The following LIN7B variants were observed in gnomAD, a reference collection of about 807,000 sequenced individuals.
LIN7B encodes lin-7 cell polarity scaffold B.
LIN7B carries 16 observed loss-of-function variants against 27.9 expected under a neutral mutation model. The observed-to-expected ratio is 0.57, with a 90% confidence interval of 0.39 to 0.87. The LOEUF (loss-of-function observed/expected upper bound fraction) is 0.87, where lower values mean the gene tolerates loss of function less well. Among genes scored for constraint, LIN7B ranks in the 40% least tolerant of loss-of-function variants. LIN7B has a pLI of 0.00. For synonymous variants in LIN7B, 147 were observed against 120.8 expected (o/e 1.22, Z -1.42); for missense variants, 291 against 288.5 (o/e 1.01, Z -0.06).
intron 5 of LIN7B, 117 bp from the exon 6 acceptor site, chr19:49,118,235 G>GTGGC: frequency 7.4e-7 from 1 of 1,358,782 alleles, no homozygotes. Flanking sequence ...GGAACCTACT[G>GTGGC]TGGCTGGGAT....
At chr19:49,117,512 A>G (rs2040847855) in intron 4 of LIN7B, among the ~76,000 whole-genome samples, 1 of 152,174 alleles carries the variant, frequency 6.6e-6, no homozygotes, top group Non-Finnish European at 1.5e-5. Flanking sequence ...GTAAGAGTCC[A>G]GAGAAAAGAG....
chr19:49,116,201 C>G (rs1433472716), intron 3 of LIN7B, 62 bp from the exon 4 acceptor site: 1 of 1,464,214 alleles, frequency 6.8e-7, no homozygotes, highest in East Asian at 2.3e-5. Flanking sequence ...CCACATCCCC[C>G]ACCCCAGCTT....
chr19:49,116,555 AC>A (rs1241707967), intron 4 of LIN7B, 83 bp downstream of exon 4: 2 of 1,220,654 alleles, frequency 1.6e-6, no homozygotes, highest in Non-Finnish European at 2.4e-6. Flanking sequence ...CACTCAACAC[AC>A]ACTGAGTGTT....
At chr19:49,117,245 CAAAA>C (rs1256318523) in intron 4 of LIN7B, among the ~76,000 whole-genome samples, 4 of 36,380 alleles carry the variant, frequency 1.1e-4, no homozygotes, top group Admixed American at 5.7e-4. Context: ...GACTCCCTCT[CAAAA>C]AAAAAAAAAA....
intron 4 of LIN7B, among the ~76,000 whole-genome samples, chr19:49,117,255 AAAAAAAAAC>A (rs1477195202): frequency 1.4e-5 from 2 of 145,458 alleles, no homozygotes; most frequent in African/African-American, 5.1e-5. Context: ...CAAAAAAAAA[AAAAAAAAAC>A]AAAACTCACT....
chr19:49,114,674 A>G (rs1027914814), intron 1 of LIN7B, 175 bp from the exon 2 acceptor site: 1 of 448,048 alleles, frequency 2.2e-6, no homozygotes, highest in African/African-American at 2.0e-5. Context: ...CCGGGGCCGC[A>G]GGGCCGCTGG....
At chr19:49,116,608 TGA>T in intron 4 of LIN7B, 136 bp downstream of exon 4, 1 of 825,560 alleles carries the variant, frequency 1.2e-6, no homozygotes, top group Non-Finnish European at 1.9e-6. Context: ...TTACAGACTC[TGA>T]GAGATGTTGG....
rs1280125689 is a variant in LIN7B at position 49,116,382 on chromosome 19, C to T, written c.348C>T (p.Pro116=). The T allele has an allele frequency of 1.9e-6, 3 of 1,614,228 alleles. No individual in the cohort carries two copies. In the South Asian group the frequency reaches 3.3e-5, roughly 18 times the overall value. The change falls in exon 4 of 6, where the codon CCC becomes CCT. Residue 116 remains proline, a synonymous_variant. Coordinates refer to ENST00000221459, the MANE Select transcript of LIN7B (RefSeq NM_022165.3). ...NIMGGKEQNS[P]IYISRVIPGG... ...TGGGTGGCAAAGAGCAAAACTCGCC[C>T]ATCTACATCTCCCGGGTCATCCCAG...
rs1317296429 is a variant in LIN7B, at chr19:49,114,898, G to C, written c.87G>C (p.Glu29Asp). 6.8e-7 allele frequency: 1 copy of C among 1,470,264 alleles called. No individual in the cohort carries two copies. Among genetic ancestry groups the C allele is most frequent in the East Asian group, 2.8e-5 (1 of 35,198 alleles). 91.1% of individuals were successfully genotyped at this position (1,470,264 alleles called of 1,614,324 possible). A position where few individuals can be genotyped will look rare whatever the true frequency, so the allele number is the denominator to read the frequency against. The change falls in exon 2 of 6, where the codon GAG (glutamate) becomes GAC (aspartate). Residue 29 changes from glutamate (E) to aspartate (D), a missense_variant. Physicochemically the swap from Glu to Asp is conservative, Grantham distance 45 (BLOSUM62 2). Coordinates refer to ENST00000221459, the MANE Select transcript of LIN7B (RefSeq NM_022165.3). ...ELLERLQRSG[E>D]LPPQKLQALQ... ...TCGAGCGGCTCCAGCGCAGCGGGGA[G>C]CTGCCGCCGCAGAAGCTGCAGGCCC...
chr19:49,117,254 A>C (rs1322348038), intron 4 of LIN7B, among the ~76,000 whole-genome samples: 1 of 144,900 alleles, frequency 6.9e-6, no homozygotes, highest in Non-Finnish European at 1.5e-5. Context: ...TCAAAAAAAA[A>C]AAAAAAAAAC....
chr19:49,114,834 G>GC lies in LIN7B; in HGVS notation c.38-10dup. 1 of 1,401,322 alleles carries GC rather than the reference G, an allele frequency of 7.1e-7. No individual in the cohort carries two copies. Among genetic ancestry groups the GC allele is most frequent in the Non-Finnish European group, 9.3e-7 (1 of 1,071,884 alleles). 86.8% of individuals were successfully genotyped at this position (1,401,322 alleles called of 1,614,324 possible). A position where few individuals can be genotyped will look rare whatever the true frequency, so the allele number is the denominator to read the frequency against. On this transcript the variant is annotated splice_polypyrimidine_tract_variant and intron_variant, in intron 1 of 5. Coordinates refer to ENST00000221459, the MANE Select transcript of LIN7B (RefSeq NM_022165.3). ...CTGACACTCGGGGTTTCTGCGCCCC[G>GC]CCCCCGCCCCGCAGACGTGTCCCGG...
At chr19:49,114,530 C>G (rs35767922) in intron 1 of LIN7B, 89 bp downstream of exon 1, 2 of 1,051,584 alleles carry the variant, frequency 1.9e-6, no homozygotes, top group East Asian at 7.0e-5. Context: ...CAGGCCAGTG[C>G]GGGTGGGCCA....
At chr19:49,115,208 T>G in intron 2 of LIN7B, 52 bp from the exon 3 acceptor site, 1 of 1,503,422 alleles carries the variant, frequency 6.7e-7, no homozygotes, top group Non-Finnish European at 9.0e-7. Flanking sequence ...AACTCCTGCG[T>G]CTAGGGCTGG....
At chr19:49,114,538 C>T (rs977210044) in intron 1 of LIN7B, 97 bp downstream of exon 1, 39 of 969,240 alleles carry the variant, frequency 4.0e-5, no homozygotes, top group Middle Eastern at 7.6e-4. Context: ...TGCGGGTGGG[C>T]CAGCGGACCC....
At chr19:49,114,747 C>T in intron 1 of LIN7B, 102 bp from the exon 2 acceptor site, 2 of 664,144 alleles carry the variant, frequency 3.0e-6, no homozygotes, top group African/African-American at 1.9e-5. Context: ...CGGCCGTCCT[C>T]CCCGGACTGT....
At chr19:49,116,021 A>C (rs1191640870) in intron 3 of LIN7B, 3 of 439,778 alleles carry the variant, frequency 6.8e-6, no homozygotes, top group Non-Finnish European at 1.2e-5. Context: ...AAAAAAAAAA[A>C]AAAGTAAGAT....
In LIN7B at chr19:49,116,294, G is replaced by A; in HGVS notation, c.260G>A (p.Gly87Asp). Residue 87 changes from glycine (G) to aspartate (D), a missense_variant, in exon 4 of 6, where the codon GGC becomes GAC. Coordinates refer to ENST00000221459, the MANE Select transcript of LIN7B (RefSeq NM_022165.3). ...GTGGCTGCCTTCACAGCCAGCGAGG[G>A]CCACGCACATCCCAGGGTAGTGGAG... Reference protein sequence around the residue: ...ATVAAFTASEGHAHPRVVELP... With the variant: ...ATVAAFTASEDHAHPRVVELP... The A allele has an allele frequency of 6.2e-7, 1 of 1,613,994 alleles. No homozygotes were observed. Among genetic ancestry groups the A allele is most frequent in the Non-Finnish European group, 8.5e-7 (1 of 1,179,968 alleles).
At chr19:49,115,026 C>G in intron 2 of LIN7B, 59 bp downstream of exon 2, 2 of 1,138,104 alleles carry the variant, frequency 1.8e-6, no homozygotes, top group Non-Finnish European at 2.4e-6. Flanking sequence ...TCCTCCTCCT[C>G]CTGCTTGTCC....
chr19:49,115,153 C>A, intron 2 of LIN7B, 107 bp from the exon 3 acceptor site: 1 of 1,028,962 alleles, frequency 9.7e-7, no homozygotes, highest in Non-Finnish European at 1.4e-6. Flanking sequence ...GTTGCGGGGG[C>A]GGGGCGGATC....
Sources: allele counts gnomAD v4.1 joint callset (sites outside exome capture counted in the v4.1 genomes callset), GRCh38; gene constraint gnomAD v4.1.1; transcripts MANE v1.5; gene names NCBI Gene and HGNC (gene_info 2026-07-23, HGNC 2026-07-21).